Variants in ROBO2 observed in about 807,000 individuals in gnomAD.
ROBO2 encodes roundabout homolog 2.
A neutral mutation model predicts 160.8 loss-of-function variants in ROBO2; 53 were observed. That is an observed-to-expected ratio of 0.33 (90% confidence interval 0.26 to 0.41). The LOEUF is 0.41. Among genes scored for constraint, ROBO2 ranks in the 10% least tolerant of loss-of-function variants. The pLI, the probability that ROBO2 is intolerant of heterozygous loss-of-function variation, is 1.00. For missense variants in ROBO2, 1,577 were observed against 1,722.4 expected (o/e 0.92, Z 1.49); for synonymous variants, 664 against 611.7 (o/e 1.09, Z -1.26).
At chr3:76,627,434 A>G (rs73118437) in intron 2 of ROBO2, among the ~76,000 whole-genome samples, 48,042 of 152,098 alleles carry the variant, frequency 0.32, 8,595 homozygotes, top group Middle Eastern at 0.43. Flanking sequence ...CTGTGCCCCC[A>G]GATAGGCATA....
chr3:76,742,535 G>T (rs975995818), intron 2 of ROBO2, among the ~76,000 whole-genome samples: 1 of 152,060 alleles, frequency 6.6e-6, no homozygotes, highest in South Asian at 2.1e-4. Context: ...AGAGGTAAGA[G>T]CATATTTCAC....
intron 2 of ROBO2, among the ~76,000 whole-genome samples, chr3:77,009,194 C>T (rs1439132891): frequency 6.6e-6 from 1 of 152,150 alleles, no homozygotes; most frequent in Non-Finnish European, 1.5e-5. Flanking sequence ...TAGCTATTCC[C>T]ATTATCATTC....
intron 21 of ROBO2, among the ~76,000 whole-genome samples, chr3:77,614,430 T>C (rs2094720199): frequency 6.6e-6 from 1 of 152,214 alleles, no homozygotes; most frequent in South Asian, 2.1e-4. Flanking sequence ...TGGTATTTTC[T>C]AGTATAAAAA....
chr3:77,041,010 C>T (rs959745956), intron 1 of ROBO2, among the ~76,000 whole-genome samples, 164 bp downstream of exon 1: 1 of 151,908 alleles, frequency 6.6e-6, no homozygotes, highest in Non-Finnish European at 1.5e-5. Flanking sequence ...TTATTTAAGT[C>T]TTTTGTTTCT....
chr3:77,642,758 C>T (rs2153723590), intron 24 of ROBO2: 1 of 456,690 alleles, frequency 2.2e-6, no homozygotes. Flanking sequence ...GTGGAAAACT[C>T]AGCAGAGAGA....
chr3:77,594,488 G>T (rs1259665136), intron 17 of ROBO2, among the ~76,000 whole-genome samples: 1 of 152,152 alleles, frequency 6.6e-6, no homozygotes, highest in Non-Finnish European at 1.5e-5. Context: ...AAGTTCCATA[G>T]TTACATGGAG....
intron 1 of ROBO2, among the ~76,000 whole-genome samples, chr3:75,919,164 A>G (rs1349170215): frequency 4.6e-5 from 7 of 152,078 alleles, no homozygotes; most frequent in Admixed American, 3.9e-4. Flanking sequence ...GCATGATATT[A>G]GCTATGCATT....
intron 2 of ROBO2, among the ~76,000 whole-genome samples, chr3:77,464,738 T>C: frequency 6.6e-6 from 1 of 152,190 alleles, no homozygotes; most frequent in East Asian, 1.9e-4. Flanking sequence ...CTACTTGGGA[T>C]ATTAGAAGGA....
chr3:77,086,928 A>G (rs540698441), intron 1 of ROBO2, among the ~76,000 whole-genome samples: 115 of 152,312 alleles, frequency 7.6e-4, no homozygotes, highest in Middle Eastern at 3.4e-3. Flanking sequence ...ATTATGAAAT[A>G]TTTTGGGGTA....
intron 2 of ROBO2, among the ~76,000 whole-genome samples, chr3:77,312,604 T>G (rs1424613789): frequency 1.3e-5 from 2 of 152,226 alleles, no homozygotes; most frequent in East Asian, 1.9e-4. Flanking sequence ...TGAGTGAGTG[T>G]GACTAGACAA....
intron 2 of ROBO2, among the ~76,000 whole-genome samples, chr3:76,454,423 T>C (rs1201968108): frequency 6.6e-6 from 1 of 152,138 alleles, no homozygotes; most frequent in African/African-American, 2.4e-5. Flanking sequence ...GATGAAAACA[T>C]GTAGGAAATC....
chr3:75,941,677 C>T (rs1948061014), intron 2 of ROBO2, among the ~76,000 whole-genome samples: 1 of 152,066 alleles, frequency 6.6e-6, no homozygotes, highest in Non-Finnish European at 1.5e-5. Context: ...TTTGGGTCAG[C>T]TATTAAGCAG....
intron 2 of ROBO2, among the ~76,000 whole-genome samples, chr3:76,590,804 AAATC>A (rs1253181973): frequency 1.3e-4 from 20 of 152,134 alleles, no homozygotes; most frequent in Non-Finnish European, 2.9e-5. Flanking sequence ...TACATAAAAT[AAATC>A]ATCTTCAGAC....
chr3:76,596,239 G>T (rs1378907520), intron 2 of ROBO2, among the ~76,000 whole-genome samples: 1 of 152,080 alleles, frequency 6.6e-6, no homozygotes, highest in Non-Finnish European at 1.5e-5. Context: ...TCTTTATGGG[G>T]TGTCCCATTA....
At chr3:76,044,148 T>C (rs1293877225) in intron 2 of ROBO2, among the ~76,000 whole-genome samples, 1 of 152,040 alleles carries the variant, frequency 6.6e-6, no homozygotes, top group Non-Finnish European at 1.5e-5. Context: ...CTGTAACCTC[T>C]TTTCTGTATT....
At chr3:76,366,689 T>C (rs556416718) in intron 2 of ROBO2, among the ~76,000 whole-genome samples, 1 of 152,030 alleles carries the variant, frequency 6.6e-6, no homozygotes, top group Non-Finnish European at 1.5e-5. Context: ...GCACATATTA[T>C]GAAAAGTTTC....
rs1454563084 is a variant in ROBO2 at position 76,055,666 on chromosome 3, A to ATGATTTTATTATTTTTG, written c.109+118068_109+118084dup. 1.3e-4 allele frequency among the ~76,000 whole-genome samples: 20 copies of ATGATTTTATTATTTTTG among 152,314 alleles called. No individual in the cohort carries two copies. In the South Asian group the frequency reaches 3.9e-3, roughly 30 times the overall value. ...CTCCATCCACATTGCTGCAAAGGGC[A>ATGATTTTATTATTTTTG]TGATTTTATTATTTTTGTGACTGTA... is the stretch of plus-strand genomic sequence containing the variant. On this transcript the variant is annotated intron_variant, in intron 2 of 26. Transcript: ENST00000487694.
At chr3:76,117,720 T>A (rs2070535610) in intron 2 of ROBO2, among the ~76,000 whole-genome samples, 1 of 152,134 alleles carries the variant, frequency 6.6e-6, no homozygotes, top group Non-Finnish European at 1.5e-5. Context: ...AATTCTATGT[T>A]CCCTGCTCTT....
chr3:77,250,083 A>T (rs919483781), intron 2 of ROBO2, among the ~76,000 whole-genome samples: 1 of 152,214 alleles, frequency 6.6e-6, no homozygotes, highest in African/African-American at 2.4e-5. Context: ...AAAAAATGCT[A>T]TAAGATTACT....
Sources: gnomAD v4.1 joint callset for allele counts (sites outside exome capture counted in the v4.1 genomes callset) on GRCh38, gnomAD v4.1.1 for gene constraint, MANE v1.5 for transcripts, NCBI Gene and HGNC (gene_info 2026-07-23, HGNC 2026-07-21) for gene names.